PRG3: variants seen among roughly 807,000 people sequenced by gnomAD.
PRG3 encodes the protein proteoglycan 3, pro eosinophil major basic protein 2.
In PRG3, 25 loss-of-function variants were observed where a neutral mutation model predicts 26.1. The ratio of observed to expected loss-of-function variants is 0.96; its 90% CI spans 0.70 to 1.34. The LOEUF is 1.34. Ranked by LOEUF, PRG3 falls within the 40% of genes most tolerant of loss-of-function variation. PRG3 has a pLI of 0.00. For synonymous variants in PRG3, 111 were observed against 100.4 expected (o/e 1.11, Z -0.63); for missense variants, 280 against 264.8 (o/e 1.06, Z -0.40).
chr11:57,378,872 A>G, intron 3 of PRG3, 60 bp from the exon 4 acceptor site: 1 of 1,600,234 alleles, frequency 6.2e-7, no homozygotes. Flanking sequence ...CTGAGTCTCC[A>G]GGCAAGAGCC....
At chr11:57,378,851 A>G (rs749655930) in intron 3 of PRG3, 39 bp from the exon 4 acceptor site, 2 of 1,608,476 alleles carry the variant, frequency 1.2e-6, no homozygotes, top group African/African-American at 2.7e-5. Flanking sequence ...CCTCTCATTT[A>G]TTTCAAGTTT....
At position 57,378,884 on chromosome 11, in the gene PRG3, G is replaced by C. The variant is rs539576539; in HGVS notation, c.376-72C>G. The C allele has an allele frequency of 1.1e-5, 17 of 1,581,190 alleles. No individual in the cohort carries two copies. The African/African-American group carries it at 2.2e-4, about 20-fold the overall frequency. On this transcript the variant is annotated intron_variant, in intron 3 of 5. Transcript: ENST00000287143. The stretch of plus-strand genomic sequence containing the variant: ...TTTCTGAGTCTCCAGGCAAGAGCCC[G>C]GCATCCCTTTTCAGGTTAAAAATAA...
chr11:57,380,563 T>C, intron 2 of PRG3, 85 bp downstream of exon 2: 1 of 1,240,146 alleles, frequency 8.1e-7, no homozygotes, highest in African/African-American at 1.6e-5. Flanking sequence ...CCTGGCCTCA[T>C]GAGTGCAAAT....
At chr11:57,377,879 C>T (rs777585766) in intron 4 of PRG3, 43 bp from the exon 5 acceptor site, 11 of 1,530,902 alleles carry the variant, frequency 7.2e-6, no homozygotes, top group Non-Finnish European at 9.0e-7. Flanking sequence ...AAGTTCAGAT[C>T]CAGGACCTCA....
At chr11:57,378,649 T>A (rs771765829) in intron 4 of PRG3, 32 bp downstream of exon 4, 1 of 1,609,038 alleles carries the variant, frequency 6.2e-7, no homozygotes, top group South Asian at 1.1e-5. Flanking sequence ...CAGAAAGAAC[T>A]TACTGCACCC....
intron 2 of PRG3, among the ~76,000 whole-genome samples, 198 bp downstream of exon 2, chr11:57,380,450 A>C (rs570044): frequency 0.94 from 142,057 of 150,828 alleles, 67,286 homozygotes; most frequent in East Asian, 1. Flanking sequence ...ACAACAACAA[A>C]AAAAAATCAA....
rs771077152 is a variant in PRG3 at position 57,379,707 on chromosome 11, C to T, written c.162G>A (p.Glu54=). ...KEQERDLALT[E]EVIQAEGEEV... The stretch of plus-strand genomic sequence containing the variant: ...CCTCTCCCTCTGCCTGAATCACCTC[C>T]TCCGTCAGAGCCAAGTCTCTCTCCT... The change falls in exon 3 of 6, where the codon GAG becomes GAA. Residue 54 remains glutamate, a synonymous_variant. Coordinates refer to ENST00000287143, the MANE Select transcript of PRG3 (RefSeq NM_006093.4). The T allele has an allele frequency of 6.2e-7, 1 of 1,614,008 alleles. No individual in the cohort carries two copies. Among genetic ancestry groups the T allele is most frequent in the South Asian group, 1.1e-5 (1 of 91,088 alleles).
At chr11:57,377,152 G>A (rs1856952954) in intron 5 of PRG3, among the ~76,000 whole-genome samples, 1 of 152,212 alleles carries the variant, frequency 6.6e-6, no homozygotes, top group South Asian at 2.1e-4. Context: ...ATGACTCCAA[G>A]AGGTGGGTGC....
At position 57,380,395 on chromosome 11, in the gene PRG3, G is replaced by A. The variant is rs187358021; in HGVS notation, c.61+253C>T. ...AGCCTGGGCAACAGAGCGAGACTCC[G>A]TCTCAAAACAAAACAAAAAACAAAC... is the stretch of plus-strand genomic sequence containing the variant. On this transcript the variant is annotated intron_variant, in intron 2 of 5. Coordinates refer to ENST00000287143, the MANE Select transcript of PRG3 (RefSeq NM_006093.4). 4.9e-5 allele frequency among the ~76,000 whole-genome samples: 7 copies of A among 142,212 alleles called. No individual in the cohort carries two copies. In the East Asian group the frequency reaches 6.2e-4, roughly 13 times the overall value. 93.3% of individuals were successfully genotyped at this position (142,212 alleles called of 152,430 possible).
rs1181590216 is a variant in PRG3, at chr11:57,376,893, C to T, written c.635G>A (p.Arg212Gln). The change falls in exon 6 of 6, where the codon CGA (arginine) becomes CAA (glutamine). Residue 212 changes from arginine to glutamine, a missense_variant. Transcript: ENST00000287143. The part of the protein sequence containing the change: ...ALCTKGGYWR[R>Q]AQCDKQLPFV... ...GGGCAGTTGCTTGTCGCATTGAGCT[C>T]GTCGCCAATAACCTCCTAGCAGCAC... 1 of 1,612,292 alleles carries T rather than the reference C, an allele frequency of 6.2e-7. No individual in the cohort carries two copies. The highest frequency in any genetic ancestry group is 1.3e-5 in the African/African-American group (1 of 74,904).
chr11:57,378,545 C>T, intron 4 of PRG3, 136 bp downstream of exon 4: 1 of 1,190,136 alleles, frequency 8.4e-7, no homozygotes, highest in Non-Finnish European at 1.2e-6. Context: ...TGAGCCAGTA[C>T]AAGCCATCTC....
Position 57,378,665 on chromosome 11 carries a change from T to C in PRG3, c.507+16A>G, listed in dbSNP as rs1316244020. ...AGAAAGAACTTACTGCACCCAAGAT[T>C]TGGCCCCTGACTTACCCAGCCCCTG... On this transcript the variant is annotated intron_variant, in intron 4 of 5. Transcript: ENST00000287143. 2.5e-6 allele frequency: 4 copies of C among 1,610,916 alleles called. No homozygotes were observed. The highest frequency in any genetic ancestry group is 3.4e-6 in the Non-Finnish European group (4 of 1,177,830).
At chr11:57,378,494 T>C (rs1856965042) in intron 4 of PRG3, among the ~76,000 whole-genome samples, 187 bp downstream of exon 4, 1 of 152,220 alleles carries the variant, frequency 6.6e-6, no homozygotes, top group South Asian at 2.1e-4. Flanking sequence ...ATGTAGTCAC[T>C]GAGCATGGAG....
intron 2 of PRG3, 104 bp downstream of exon 2, chr11:57,380,544 G>T: frequency 1.0e-6 from 1 of 964,830 alleles, no homozygotes; most frequent in Non-Finnish European, 1.5e-6. Context: ...AAAGAGGGAA[G>T]GCTGTGGTCC....
At position 57,377,784 on chromosome 11, in the gene PRG3, T is replaced by C. The variant is rs1565078791; in HGVS notation, c.560A>G (p.Tyr187Cys). 2 of 1,613,116 alleles carry C rather than the reference T, an allele frequency of 1.2e-6. No homozygotes were observed. Among genetic ancestry groups the C allele is most frequent in the Non-Finnish European group, 1.7e-6 (2 of 1,179,968 alleles). The change falls in exon 5 of 6, where the codon TAC (tyrosine) becomes TGC (cysteine). Residue 187 changes from tyrosine to cysteine, a missense_variant. Tyr to Cys is a radical substitution (Grantham distance 194). Coordinates refer to ENST00000287143, the MANE Select transcript of PRG3 (RefSeq NM_006093.4). ...ATTCCCAGGTTGCCCTGGGGACCAG[T>C]AAGCAAAATTCCAGTGGCTCCCATC... ...WTDGSHWNFA[Y>C]WSPGQPGNGQ...
chr11:57,377,880 C>A, intron 4 of PRG3, 44 bp from the exon 5 acceptor site: 1 of 1,528,636 alleles, frequency 6.5e-7, no homozygotes, highest in Non-Finnish European at 9.0e-7. Flanking sequence ...AGTTCAGATC[C>A]AGGACCTCAT....
chr11:57,376,882 C>T lies in PRG3; in HGVS notation c.646G>A (p.Asp216Asn), dbSNP rs764867230. The T allele has an allele frequency of 8.7e-6, 14 of 1,612,468 alleles. No individual in the cohort carries two copies. The highest frequency in any genetic ancestry group is 3.3e-5 in the Admixed American group (2 of 60,012). ...KGGYWRRAQCDKQLPFVCSF is the reference protein window; with the variant it reads ...KGGYWRRAQCNKQLPFVCSF ...GAGCAGACGAAGGGCAGTTGCTTGT[C>T]GCATTGAGCTCGTCGCCAATAACCT... The change falls in exon 6 of 6, where the codon GAC becomes AAC. Residue 216 changes from aspartate (D) to asparagine (N), a missense_variant. Coordinates refer to ENST00000287143, the MANE Select transcript of PRG3 (RefSeq NM_006093.4).
In PRG3 at chr11:57,380,680, A is replaced by G. The variant is rs560572489; in HGVS notation, c.29T>C (p.Leu10Pro). 71 of 1,577,734 alleles carry G rather than the reference A, an allele frequency of 4.5e-5. No homozygotes were observed. The South Asian group carries it at 7.9e-4, about 18-fold the overall frequency. Reference protein sequence around the residue: MQCLLLLPFLLLGTVSALHL... With the variant: MQCLLLLPFPLLGTVSALHL... ...AAGAGCAGAAACTGTTCCCAGCAGGAGAAAGGGCAGGAGCAAGAGGCATTG... is the reference window on the plus strand; with the variant it reads ...AAGAGCAGAAACTGTTCCCAGCAGGGGAAAGGGCAGGAGCAAGAGGCATTG... The change falls in exon 2 of 6, where the codon CTC becomes CCC. Residue 10 changes from leucine (L) to proline (P), a missense_variant. By Grantham distance (98) the Leu-to-Pro change is moderately conservative (BLOSUM62 -3). Coordinates refer to ENST00000287143, the MANE Select transcript of PRG3 (RefSeq NM_006093.4).
intron 4 of PRG3, 103 bp from the exon 5 acceptor site, chr11:57,377,939 G>A (rs1360274026): frequency 2.2e-6 from 2 of 892,314 alleles, no homozygotes; most frequent in African/African-American, 3.3e-5. Flanking sequence ...CCAGGAGCCA[G>A]ACACCCTAGA....
Sources: gnomAD v4.1 joint callset for allele counts (sites outside exome capture counted in the v4.1 genomes callset) on GRCh38, gnomAD v4.1.1 for gene constraint, MANE v1.5 for transcripts, NCBI Gene and HGNC (gene_info 2026-07-23, HGNC 2026-07-21) for gene names.